COL4A1: variants seen among roughly 807,000 people sequenced by gnomAD.
The protein encoded by COL4A1 is collagen alpha-1(IV) chain.
A neutral mutation model predicts 216.6 loss-of-function variants in COL4A1; 40 were observed. The observed-to-expected ratio is 0.18, with a 90% CI of 0.14 to 0.24. COL4A1 has a LOEUF of 0.24. Ranked by LOEUF, COL4A1 falls within the 10% of genes least tolerant of loss-of-function variation. COL4A1 has a pLI of 1.00. For synonymous variants in COL4A1, 839 were observed against 810.7 expected (o/e 1.03, Z -0.59); for missense variants, 1,628 against 2,196.8 (o/e 0.74, Z 5.18).
chr13:110,228,430 G>A (rs757454090), intron 2 of COL4A1, among the ~76,000 whole-genome samples: 7 of 152,144 alleles, frequency 4.6e-5, no homozygotes, highest in African/African-American at 7.2e-5. Context: ...CTTCTGGCCC[G>A]TCGCACCCAG....
intron 26 of COL4A1, among the ~76,000 whole-genome samples, chr13:110,184,125 A>G (rs3825478): frequency 0.12 from 18,876 of 152,250 alleles, 1,503 homozygotes; most frequent in East Asian, 0.25. Context: ...CAGCTCTGGC[A>G]GATCAAAGAC....
intron 1 of COL4A1, among the ~76,000 whole-genome samples, chr13:110,258,455 G>T (rs568039851): frequency 2.0e-4 from 30 of 152,212 alleles, no homozygotes; most frequent in African/African-American, 6.3e-4. Flanking sequence ...CAGGAGAATC[G>T]CTTGAACCCA....
At chr13:110,269,096 AG>A (rs1483451383) in intron 1 of COL4A1, among the ~76,000 whole-genome samples, 1 of 152,228 alleles carries the variant, frequency 6.6e-6, no homozygotes, top group African/African-American at 2.4e-5. Flanking sequence ...CTACTAACAA[AG>A]GGCTGTGCAT....
At chr13:110,252,565 G>A (rs1295702290) in intron 1 of COL4A1, among the ~76,000 whole-genome samples, 3 of 34,498 alleles carry the variant, frequency 8.7e-5, no homozygotes, top group African/African-American at 1.7e-4. Context: ...ATAATTATAC[G>A]TATATATGTA....
chr13:110,239,938 C>T (rs1428489556), intron 2 of COL4A1, among the ~76,000 whole-genome samples: 1 of 152,152 alleles, frequency 6.6e-6, no homozygotes, highest in African/African-American at 2.4e-5. Context: ...TTTAAAATTT[C>T]CTCTGTCAGT....
chr13:110,205,421 A>G lies in COL4A1; in HGVS notation c.904-15T>C, dbSNP rs1348864119. The G allele has an allele frequency of 6.2e-7, 1 of 1,613,496 alleles. No homozygotes were observed. Among genetic ancestry groups the G allele is most frequent in the Admixed American group, 1.7e-5 (1 of 59,990 alleles). On this transcript the variant is annotated splice_polypyrimidine_tract_variant and intron_variant, in intron 16 of 51. Transcript: ENST00000375820. Reference sequence around the variant, plus strand: ...CCAGGAAAACCCTGAAACCGAAGAGAGAAGCAGTAACCGTCAGAGGCCAGT... The same window carrying G: ...CCAGGAAAACCCTGAAACCGAAGAGGGAAGCAGTAACCGTCAGAGGCCAGT...
intron 15 of COL4A1, 125 bp downstream of exon 15, chr13:110,206,540 G>C: frequency 1.8e-6 from 2 of 1,093,988 alleles, no homozygotes; most frequent in Non-Finnish European, 2.8e-6. Context: ...AAGCCCTTCG[G>C]GGCATGAAAG....
intron 21 of COL4A1, among the ~76,000 whole-genome samples, chr13:110,196,594 CAAA>C (rs1878901700): frequency 7.0e-6 from 1 of 142,338 alleles, no homozygotes; most frequent in African/African-American, 2.6e-5. Flanking sequence ...AAACAAAAAA[CAAA>C]AAACAAACAA....
chr13:110,152,918 A>G (rs1286821598), intron 50 of COL4A1, among the ~76,000 whole-genome samples: 2 of 152,260 alleles, frequency 1.3e-5, no homozygotes, highest in African/African-American at 2.4e-5. Context: ...GCATTCCTGT[A>G]TTTGCTATAT....
At chr13:110,156,487 C>T (rs1876793584) in intron 49 of COL4A1, among the ~76,000 whole-genome samples, 1 of 152,158 alleles carries the variant, frequency 6.6e-6, no homozygotes. Flanking sequence ...TGTCCAAGGT[C>T]CAAGGCTGTC....
At chr13:110,236,187 C>T (rs1881308749) in intron 2 of COL4A1, among the ~76,000 whole-genome samples, 1 of 152,208 alleles carries the variant, frequency 6.6e-6, no homozygotes, top group South Asian at 2.1e-4. Context: ...CAAGCCTAAA[C>T]TCCTTATCAC....
At chr13:110,256,304 A>C (rs1882567830) in intron 1 of COL4A1, among the ~76,000 whole-genome samples, 1 of 152,214 alleles carries the variant, frequency 6.6e-6, no homozygotes, top group African/African-American at 2.4e-5. Flanking sequence ...AAATGACTCC[A>C]CAGGATGATT....
At chr13:110,303,705 G>A (rs1043951332) in intron 1 of COL4A1, among the ~76,000 whole-genome samples, 4 of 152,168 alleles carry the variant, frequency 2.6e-5, no homozygotes, top group Admixed American at 6.5e-5. Context: ...ATAGCCCTTC[G>A]ATTCCCCTGA....
intron 1 of COL4A1, among the ~76,000 whole-genome samples, chr13:110,282,007 A>G (rs1002916797): frequency 6.6e-6 from 1 of 152,154 alleles, no homozygotes; most frequent in African/African-American, 2.4e-5. Flanking sequence ...GCCTCACCTT[A>G]GGGCCTGCTT....
chr13:110,219,264 C>T (rs1880255974), intron 2 of COL4A1, among the ~76,000 whole-genome samples: 1 of 152,168 alleles, frequency 6.6e-6, no homozygotes, highest in Admixed American at 6.5e-5. Context: ...CTCCTTTGCT[C>T]TATGAGACAT....
chr13:110,279,103 C>T (rs1015137679), intron 1 of COL4A1, among the ~76,000 whole-genome samples: 1 of 152,120 alleles, frequency 6.6e-6, no homozygotes, highest in Admixed American at 6.6e-5. Context: ...TCTCAATGTC[C>T]TACTGTTTTT....
chr13:110,181,038 AG>A (rs1878128630), intron 29 of COL4A1, among the ~76,000 whole-genome samples: 1 of 152,270 alleles, frequency 6.6e-6, no homozygotes, highest in African/African-American at 2.4e-5. Context: ...CAGCTTACAC[AG>A]GCAAGAAAAT....
chr13:110,205,590 C>A (rs189470135), intron 15 of COL4A1, 52 bp from the exon 16 acceptor site: 2 of 1,598,424 alleles, frequency 1.3e-6, no homozygotes, highest in Middle Eastern at 1.7e-4. Context: ...AGACTGCGCG[C>A]GGTGGCTCAT....
chr13:110,243,846 C>T lies in COL4A1; in HGVS notation c.85-1112G>A, dbSNP rs368135040. Reference sequence around the variant, plus strand: ...CTGAATTAGAAGATTTATTATAACACGCTAGGACAAAGTTGAAATTAGAAC... The same window carrying T: ...CTGAATTAGAAGATTTATTATAACATGCTAGGACAAAGTTGAAATTAGAAC... On this transcript the variant is annotated intron_variant, in intron 1 of 51. Coordinates refer to ENST00000375820, the MANE Select transcript of COL4A1 (RefSeq NM_001845.6). 6.6e-5 allele frequency among the ~76,000 whole-genome samples: 10 copies of T among 152,194 alleles called. No homozygotes were observed. The East Asian group carries it at 9.6e-4, about 15-fold the overall frequency.
Sources: allele counts gnomAD v4.1 joint callset (sites outside exome capture counted in the v4.1 genomes callset), GRCh38; gene constraint gnomAD v4.1.1; transcripts MANE v1.5; gene names NCBI Gene and HGNC (gene_info 2026-07-23, HGNC 2026-07-21).